Variants in PDE1C observed in about 807,000 individuals in gnomAD.
PDE1C encodes phosphodiesterase 1C.
In PDE1C, 62 loss-of-function variants were observed where a neutral mutation model predicts 93.1. The ratio of observed to expected loss-of-function variants is 0.67; its 90% CI spans 0.54 to 0.82. The LOEUF (loss-of-function observed/expected upper bound fraction) is 0.82. Among genes scored for constraint, PDE1C ranks in the 40% least tolerant of loss-of-function variants. PDE1C has a pLI of 0.00. For missense variants in PDE1C, 742 were observed against 884.6 expected (o/e 0.84, Z 2.04); for synonymous variants, 325 against 310.1 (o/e 1.05, Z -0.50).
At chr7:32,306,155 G>C in intron 1 of PDE1C, among the ~76,000 whole-genome samples, 1 of 152,094 alleles carries the variant, frequency 6.6e-6, no homozygotes, top group East Asian at 1.9e-4. Flanking sequence ...TGGTTGTGAG[G>C]CCTCCCCAGC....
chr7:32,071,503 C>A (rs867003980), upstream of PDE1C: 1 of 779,984 alleles, frequency 1.3e-6, no homozygotes, highest in Non-Finnish European at 1.6e-6. Context: ...TTCACCCCCC[C>A]ACCCCCATCT....
chr7:31,900,033 CACTCCAAGAA>C lies in PDE1C; in HGVS notation c.129-19183_129-19174del, dbSNP rs762909403. 2.4e-3 allele frequency among the ~76,000 whole-genome samples: 365 copies of C among 152,280 alleles called. 2 individuals carry two copies. The highest frequency in any genetic ancestry group is 4.2e-3 in the Non-Finnish European group (286 of 68,036). On this transcript the variant is annotated intron_variant, in intron 2 of 17. Transcript: ENST00000396191. ...AAATGTCAGTTACGCCAAGAAACCT[CACTCCAAGAA>C]AAGCGAAAGTGTAGTATTTTTTCAT...
chr7:31,777,422 G>A (rs554915568), intron 16 of PDE1C, among the ~76,000 whole-genome samples: 12 of 152,082 alleles, frequency 7.9e-5, no homozygotes, highest in Non-Finnish European at 1.3e-4. Context: ...TCCGTCTCCC[G>A]GGTTCAAGCA....
At chr7:31,982,507 A>C (rs778048950) in intron 2 of PDE1C, among the ~76,000 whole-genome samples, 1 of 152,214 alleles carries the variant, frequency 6.6e-6, no homozygotes, top group Non-Finnish European at 1.5e-5. Context: ...ACTGTCATCA[A>C]CAACACTAAT....
chr7:32,298,850 G>A (rs889743041), exon 1 of PDE1C: 4 of 1,415,870 alleles, frequency 2.8e-6, no homozygotes, highest in Non-Finnish European at 3.7e-6. Flanking sequence ...GCCGCGCCGC[G>A]CTGTCACTCT....
the PDE1C span, among the ~76,000 whole-genome samples, chr7:31,623,013 A>T: frequency 6.9e-4 from 105 of 151,166 alleles, no homozygotes; most frequent in Non-Finnish European, 9.2e-4. Flanking sequence ...GAAGAAATGG[A>T]TAAATTCCTC....
intron 3 of PDE1C, among the ~76,000 whole-genome samples, chr7:32,080,836 C>G (rs1454306692): frequency 6.6e-6 from 1 of 152,156 alleles, no homozygotes; most frequent in Non-Finnish European, 1.5e-5. Context: ...ATGCTTTTAA[C>G]AGATTCTTGC....
At chr7:31,642,605 A>G in the PDE1C span, 55 of 1,322,878 alleles carry the variant, frequency 4.2e-5, no homozygotes, top group Non-Finnish European at 5.1e-5. Flanking sequence ...GGCAATGACA[A>G]GAAGAAAATC....
chr7:31,935,398 C>G (rs1804900711), intron 2 of PDE1C, among the ~76,000 whole-genome samples: 1 of 152,126 alleles, frequency 6.6e-6, no homozygotes, highest in Admixed American at 6.6e-5. Flanking sequence ...GAACCTCCCT[C>G]CTATTGACTT....
chr7:31,617,614 T>A, the PDE1C span, among the ~76,000 whole-genome samples: 1 of 148,526 alleles, frequency 6.7e-6, no homozygotes, highest in Non-Finnish European at 1.5e-5. Context: ...TAGAGACAAC[T>A]TTTACCTTCT....
At chr7:32,098,803 G>A (rs1797905100) in intron 3 of PDE1C, among the ~76,000 whole-genome samples, 1 of 152,120 alleles carries the variant, frequency 6.6e-6, no homozygotes, top group Non-Finnish European at 1.5e-5. Flanking sequence ...CTATCACCTT[G>A]ACTATATATT....
chr7:31,793,461 G>A lies in PDE1C; in HGVS notation c.1891+15570C>T, dbSNP rs559237853. On this transcript the variant is annotated intron_variant, in intron 16 of 17. Transcript: ENST00000396191. ...TTGACTTGGCTGAAGAGAGAGATGGGGTTCAAAACCAGATTTTCAGGTCCT... is the reference window on the plus strand; with the variant it reads ...TTGACTTGGCTGAAGAGAGAGATGGAGTTCAAAACCAGATTTTCAGGTCCT... Among the ~76,000 whole-genome samples the A allele has an allele frequency of 2.0e-5, 3 of 152,022 alleles. No individual in the cohort carries two copies. The South Asian group carries it at 6.2e-4, about 32-fold the overall frequency.
chr7:32,071,482 C>T (rs30600), upstream of PDE1C: 78,352 of 921,030 alleles, frequency 0.085, 4,355 homozygotes, highest in East Asian at 0.4. Flanking sequence ...TCATTCCCTC[C>T]CTCCCTCCCT....
At chr7:31,912,328 A>G (rs187872043) in intron 2 of PDE1C, among the ~76,000 whole-genome samples, 1 of 152,312 alleles carries the variant, frequency 6.6e-6, no homozygotes, top group East Asian at 1.9e-4. Flanking sequence ...GCTCAAAACC[A>G]TGCTTCTGAA....
chr7:31,725,885 G>T, the PDE1C span, among the ~76,000 whole-genome samples: 94 of 152,142 alleles, frequency 6.2e-4, no homozygotes, highest in South Asian at 3.3e-3. Flanking sequence ...ACCCTTTACA[G>T]GTTACTTTTT....
chr7:32,316,684 C>T (rs1360795141), intron 1 of PDE1C, among the ~76,000 whole-genome samples: 1 of 152,214 alleles, frequency 6.6e-6, no homozygotes, highest in Non-Finnish European at 1.5e-5. Context: ...GTTGATTACA[C>T]TGTTGCCCAA....
chr7:32,413,573 C>A (rs1249621796), intron 1 of PDE1C, among the ~76,000 whole-genome samples: 1 of 151,884 alleles, frequency 6.6e-6, no homozygotes, highest in Non-Finnish European at 1.5e-5. Flanking sequence ...CTTCAGGAAG[C>A]GGGAAATGGG....
chr7:31,802,082 CTTTGT>C (rs1786121984), intron 16 of PDE1C, among the ~76,000 whole-genome samples: 2 of 151,462 alleles, frequency 1.3e-5, no homozygotes, highest in Admixed American at 6.6e-5. Context: ...AACTGATTTG[CTTTGT>C]TTTAATTCTG....
chr7:32,206,787 C>T (rs1006197925), intron 2 of PDE1C, among the ~76,000 whole-genome samples: 2 of 152,222 alleles, frequency 1.3e-5, no homozygotes, highest in African/African-American at 4.8e-5. Flanking sequence ...GGACAGCTGG[C>T]CTTGTGATAG....
Sources: allele counts gnomAD v4.1 joint callset (sites outside exome capture counted in the v4.1 genomes callset), GRCh38; gene constraint gnomAD v4.1.1; transcripts MANE v1.5; gene names NCBI Gene and HGNC (gene_info 2026-07-23, HGNC 2026-07-21).